Variants in ARR3 observed in about 807,000 individuals in gnomAD.
ARR3 encodes arrestin 3, also known as arrestin-C.
In ARR3, 14 loss-of-function variants were observed where a neutral mutation model predicts 35.4. The observed-to-expected ratio is 0.40, with a 90% CI of 0.26 to 0.62. The LOEUF (loss-of-function observed/expected upper bound fraction) is 0.62, where lower values mean the gene tolerates loss of function less well. ARR3 is among the 20% of genes least tolerant of loss of function. ARR3 has a pLI of 0.46. For missense variants in ARR3, 259 were observed against 303.8 expected (o/e 0.85, Z 1.10); for synonymous variants, 97 against 119.1 (o/e 0.81, Z 1.21).
chrX:70,273,518 G>C (rs368374611), intron 5 of ARR3, among the ~76,000 whole-genome samples: 2 of 111,809 alleles, frequency 1.8e-5, no homozygotes, highest in East Asian at 5.6e-4. Flanking sequence ...CACTGTGCCC[G>C]GCCTCCAAAG....
Position 70,278,468 on chromosome X carries a change from C to T in ARR3, c.768-36C>T, listed in dbSNP as rs766816195. ...AGTAAAAGTATGCTTAGTCAGCAAG[C>T]CCAGCCTAAATTCTTCTCTTGTTCT... On this transcript the variant is annotated intron_variant, in intron 11 of 16. Transcript: ENST00000307959. 50 of 1,196,004 alleles carry T rather than the reference C, an allele frequency of 4.2e-5. No homozygotes were observed. The South Asian group carries it at 8.6e-4, about 21-fold the overall frequency.
At chrX:70,272,722 T>A (rs1768562) in intron 5 of ARR3, among the ~76,000 whole-genome samples, 3 of 110,992 alleles carry the variant, frequency 2.7e-5, no homozygotes, top group African/African-American at 3.3e-5. Context: ...AGTGCATGAG[T>A]CTTCTCATAT....
chrX:70,272,740 G>C (rs1338895938), intron 5 of ARR3, among the ~76,000 whole-genome samples: 2 of 112,201 alleles, frequency 1.8e-5, no homozygotes, highest in African/African-American at 6.5e-5. Flanking sequence ...TATTGCCCCA[G>C]TCCTTATAAA....
intron 5 of ARR3, among the ~76,000 whole-genome samples, chrX:70,271,125 A>G (rs2085628558): frequency 8.9e-6 from 1 of 112,028 alleles, no homozygotes; most frequent in Non-Finnish European, 1.9e-5. Flanking sequence ...GGATAGACTC[A>G]TAAATTAACC....
chrX:70,278,041 C>CTA lies in ARR3; in HGVS notation c.695-25_695-24insTA, dbSNP rs1376739910. ...TCAAGGATGACTGACTGATTATAAT[C>CTA]ATGTGCTTTTCCTGGCTTGTTCAGT... On this transcript the variant is annotated intron_variant, in intron 10 of 16. Transcript: ENST00000307959. The CTA allele has an allele frequency of 5.8e-6, 7 of 1,198,762 alleles. No homozygotes were observed. In the African/African-American group the frequency reaches 7.0e-5, roughly 12 times the overall value.
chrX:70,270,886 A>ATT (rs1211431090), intron 5 of ARR3, among the ~76,000 whole-genome samples: 5 of 104,286 alleles, frequency 4.8e-5, no homozygotes, highest in African/African-American at 1.4e-4. Context: ...GATTATGCTG[A>ATT]TTTTTTTTTT....
At chrX:70,272,927 G>A (rs1428466910) in intron 5 of ARR3, among the ~76,000 whole-genome samples, 1 of 110,980 alleles carries the variant, frequency 9.0e-6, no homozygotes, top group Non-Finnish European at 1.9e-5. Context: ...TTTTTTCTTT[G>A]GGTCAGAGCC....
At chrX:70,280,690 G>T in intron 14 of ARR3, 76 bp from the exon 15 acceptor site, 2 of 1,201,909 alleles carry the variant, frequency 1.7e-6, no homozygotes, top group Non-Finnish European at 2.3e-6. Flanking sequence ...CCAAAGACTG[G>T]AAAACTAAGG....
At chrX:70,274,768 A>G (rs138176370) in intron 5 of ARR3, among the ~76,000 whole-genome samples, 370 of 111,857 alleles carry the variant, frequency 3.3e-3, no homozygotes, top group Middle Eastern at 9.3e-3. Context: ...GTGGAAGGGC[A>G]AAAGGTCTCC....
chrX:70,275,515 A>G (rs2085648155), intron 5 of ARR3, among the ~76,000 whole-genome samples: 1 of 110,987 alleles, frequency 9.0e-6, no homozygotes, highest in African/African-American at 3.3e-5. Flanking sequence ...TATGTGTTGC[A>G]AAGATTTTCT....
intron 5 of ARR3, among the ~76,000 whole-genome samples, chrX:70,274,578 G>C (rs1489658727): frequency 2.7e-5 from 3 of 112,523 alleles, no homozygotes; most frequent in African/African-American, 6.5e-5. Context: ...AAATACCTGA[G>C]ACTAGGTAAT....
intron 12 of ARR3, among the ~76,000 whole-genome samples, chrX:70,279,656 T>G (rs1447700890): frequency 8.9e-6 from 1 of 112,581 alleles, no homozygotes; most frequent in African/African-American, 3.2e-5. Flanking sequence ...TTAGTACACG[T>G]GGTTCAGAGT....
At chrX:70,275,971 C>G (rs1217569313) in intron 5 of ARR3, 111 bp from the exon 6 acceptor site, 13 of 898,281 alleles carry the variant, frequency 1.4e-5, no homozygotes, top group Non-Finnish European at 1.7e-5. Context: ...GCCACCGCGC[C>G]CAGCCAGCCT....
At chrX:70,279,120 G>A (rs1332152511) in intron 12 of ARR3, among the ~76,000 whole-genome samples, 1 of 112,300 alleles carries the variant, frequency 8.9e-6, no homozygotes, top group East Asian at 2.8e-4. Context: ...CTCTACAGAA[G>A]CTACTCTCTA....
At chrX:70,280,961 AGT>A in intron 15 of ARR3, 136 bp from the exon 16 acceptor site, 1 of 762,763 alleles carries the variant, frequency 1.3e-6, no homozygotes, top group African/African-American at 2.7e-5. Context: ...ATTCAGGGGA[AGT>A]GTGTGTGTCG....
chrX:70,279,383 C>T (rs1256839012), intron 12 of ARR3, among the ~76,000 whole-genome samples: 1 of 112,176 alleles, frequency 8.9e-6, no homozygotes, highest in Admixed American at 9.4e-5. Context: ...CTAGAAATAC[C>T]CTTAGAAATC....
At chrX:70,279,090 C>T (rs992251720) in intron 12 of ARR3, among the ~76,000 whole-genome samples, 4 of 112,359 alleles carry the variant, frequency 3.6e-5, no homozygotes, top group Non-Finnish European at 7.5e-5. Context: ...CACATGTCAT[C>T]TGGCTCTGAA....
intron 7 of ARR3, 78 bp downstream of exon 7, chrX:70,276,570 T>G: frequency 8.5e-7 from 1 of 1,173,835 alleles, no homozygotes; most frequent in Non-Finnish European, 1.2e-6. Context: ...ACTGGAGAAA[T>G]GGACAGCTAA....
At chrX:70,275,631 C>A (rs1238948081) in intron 5 of ARR3, among the ~76,000 whole-genome samples, 1 of 77,631 alleles carries the variant, frequency 1.3e-5, no homozygotes, top group African/African-American at 4.9e-5. Flanking sequence ...TATTAAGAAT[C>A]TTTTCATTTG....
Sources: gnomAD v4.1 joint callset for allele counts (sites outside exome capture counted in the v4.1 genomes callset) on GRCh38, gnomAD v4.1.1 for gene constraint, MANE v1.5 for transcripts, NCBI Gene and HGNC (gene_info 2026-07-23, HGNC 2026-07-21) for gene names.